The following APOOL variants were observed in gnomAD, a reference collection of about 807,000 sequenced individuals.
APOOL encodes the protein MICOS complex subunit MIC27.
APOOL carries 12 observed loss-of-function variants against 23.1 expected under a neutral mutation model. That is an observed-to-expected ratio of 0.52 (90% confidence interval 0.33 to 0.84). The LOEUF (loss-of-function observed/expected upper bound fraction) is 0.84. APOOL is among the 40% of genes least tolerant of loss of function. APOOL has a pLI of 0.02. For missense variants in APOOL, 212 were observed against 199.6 expected, an observed-to-expected ratio of 1.06 and a Z score of -0.37; for synonymous variants, 77 against 69.9, an observed-to-expected ratio of 1.10 and a Z score of -0.51.
rs946202435 is a variant in APOOL at position 85,090,343 on chromosome X, G to A, written c.*2665G>A. ...GGAAATCATGTTTCTTTTCCCCTGTGGTGAGGAAGGCAAGGGGTAAGGGGT... is the reference window on the plus strand; with the variant it reads ...GGAAATCATGTTTCTTTTCCCCTGTAGTGAGGAAGGCAAGGGGTAAGGGGT... On this transcript the variant is annotated 3_prime_UTR_variant, in exon 9 of 9. Coordinates refer to ENST00000373173, the MANE Select transcript of APOOL (RefSeq NM_198450.6). 2 of 111,598 alleles carry A rather than the reference G, an allele frequency of 1.8e-5. No individual in the cohort carries two copies. The highest frequency in any genetic ancestry group is 6.5e-5 in the African/African-American group (2 of 30,688). 9.2% of individuals were successfully genotyped at this position (111,598 alleles called of 1,213,427 possible).
intron 1 of APOOL, among the ~76,000 whole-genome samples, chrX:85,042,146 TAC>T (rs1922419106): frequency 9.0e-6 from 1 of 111,399 alleles, no homozygotes; most frequent in Non-Finnish European, 1.9e-5. Flanking sequence ...AAGAAAATAA[TAC>T]AAAAGATCAA....
intron 2 of APOOL, among the ~76,000 whole-genome samples, chrX:85,048,431 G>A (rs976238435): frequency 2.7e-5 from 3 of 111,540 alleles, no homozygotes; most frequent in African/African-American, 9.8e-5. Flanking sequence ...AAATAAAGTA[G>A]TGCTGCTTAT....
At position 85,041,111 on chromosome X, in the gene APOOL, G is replaced by C. The variant is rs150706103; in HGVS notation, c.16-5335G>C. 5.9e-3 allele frequency among the ~76,000 whole-genome samples: 660 copies of C among 112,166 alleles called. 4 individuals are homozygous for C. The highest frequency in any genetic ancestry group is 0.02 in the African/African-American group (625 of 30,841). ...GTGTGTCTCTTGATTACTTCTGGGAGCTCCATCTCAGGGAAATGCAGAGCT... is the reference window on the plus strand; with the variant it reads ...GTGTGTCTCTTGATTACTTCTGGGACCTCCATCTCAGGGAAATGCAGAGCT... On this transcript the variant is annotated intron_variant, in intron 1 of 8. Transcript: ENST00000373173.
intron 1 of APOOL, among the ~76,000 whole-genome samples, chrX:85,023,233 A>T (rs1350193700): frequency 8.9e-6 from 1 of 112,205 alleles, no homozygotes; most frequent in Non-Finnish European, 1.9e-5. Flanking sequence ...AGTAAAGTTG[A>T]AGAATACAAA....
chrX:85,053,014 A>AT (rs998152980), intron 3 of APOOL, among the ~76,000 whole-genome samples: 5 of 111,316 alleles, frequency 4.5e-5, no homozygotes, highest in African/African-American at 6.5e-5. Flanking sequence ...AATGTAAACA[A>AT]TTTTTTTTCC....
At chrX:85,004,171 G>A (rs1005695003) in intron 1 of APOOL, among the ~76,000 whole-genome samples, 1 of 111,811 alleles carries the variant, frequency 8.9e-6, no homozygotes, top group Admixed American at 9.5e-5. Flanking sequence ...CAGTGGCACA[G>A]TACAAAACTG....
chrX:85,011,551 A>G (rs1309166854), intron 1 of APOOL, among the ~76,000 whole-genome samples: 1 of 111,633 alleles, frequency 9.0e-6, no homozygotes, highest in Non-Finnish European at 1.9e-5. Flanking sequence ...TAATTCTTCT[A>G]CATGTGGCTT....
intron 2 of APOOL, among the ~76,000 whole-genome samples, chrX:85,049,032 T>C (rs1024398934): frequency 1.1e-4 from 12 of 111,353 alleles, no homozygotes; most frequent in African/African-American, 3.9e-4. Flanking sequence ...CTCTATGAGA[T>C]GAATTATACT....
intron 1 of APOOL, among the ~76,000 whole-genome samples, chrX:85,038,524 G>GTTTTTTTTTTT (rs56248244): frequency 9.2e-5 from 4 of 43,445 alleles, no homozygotes; most frequent in African/African-American, 4.3e-4. Flanking sequence ...TCTGGTACAA[G>GTTTTTTTTTTT]TTTTTTTTTT....
chrX:85,038,524 G>GTTTTTTTTTTTTTTTTTTTTTTTTTT (rs56248244), intron 1 of APOOL, among the ~76,000 whole-genome samples: 1 of 43,445 alleles, frequency 2.3e-5, no homozygotes, highest in African/African-American at 1.1e-4. Flanking sequence ...TCTGGTACAA[G>GTTTTTTTTTTTTTTTTTTTTTTTTTT]TTTTTTTTTT....
At chrX:85,057,922 G>A (rs971729418) in intron 5 of APOOL, among the ~76,000 whole-genome samples, 20 of 110,843 alleles carry the variant, frequency 1.8e-4, no homozygotes, top group African/African-American at 6.5e-4. Flanking sequence ...ATTCTTGTAA[G>A]AGAAAATGTT....
At chrX:85,053,628 C>CT (rs1385332636) in intron 3 of APOOL, among the ~76,000 whole-genome samples, 1 of 110,763 alleles carries the variant, frequency 9.0e-6, no homozygotes, top group Non-Finnish European at 1.9e-5. Context: ...TTGTGACTTC[C>CT]TTTTTTTTCT....
chrX:85,060,612 T>C (rs1476985652), intron 5 of APOOL, among the ~76,000 whole-genome samples: 1 of 111,381 alleles, frequency 9.0e-6, no homozygotes, highest in East Asian at 2.8e-4. Context: ...GTAAGTTGGA[T>C]TCCTAGGTAT....
intron 2 of APOOL, among the ~76,000 whole-genome samples, chrX:85,047,787 G>A (rs889310387): frequency 9.0e-6 from 1 of 111,292 alleles, no homozygotes; most frequent in Non-Finnish European, 1.9e-5. Context: ...CCCGCTTTAA[G>A]TCAACCTTAA....
intron 5 of APOOL, among the ~76,000 whole-genome samples, chrX:85,059,043 A>G (rs1370305839): frequency 1.5e-5 from 1 of 66,324 alleles, no homozygotes; most frequent in Non-Finnish European, 2.7e-5. Flanking sequence ...CCACCCCACA[A>G]CAGTCCCCAG....
intron 1 of APOOL, among the ~76,000 whole-genome samples, chrX:85,016,863 G>A (rs1192791183): frequency 8.9e-6 from 1 of 112,475 alleles, no homozygotes; most frequent in African/African-American, 3.2e-5. Flanking sequence ...ATCACCTGAC[G>A]TGGTGCTCTC....
intron 1 of APOOL, among the ~76,000 whole-genome samples, chrX:85,014,625 T>G (rs924527190): frequency 1.2e-4 from 13 of 110,179 alleles, no homozygotes. Flanking sequence ...ATTATTTTAT[T>G]TAAGGAGGTT....
In APOOL at chrX:85,051,374, A is replaced by AT. The variant is rs200461363; in HGVS notation, c.121-9dup. 12,495 of 1,206,281 alleles carry AT rather than the reference A, an allele frequency of 0.01. 517 individuals carry two copies. The African/African-American group carries it at 0.15, about 14-fold the overall frequency. Reference sequence around the variant, plus strand: ...GCTATTTTATGTTTTTGACATGAACATTTTTTGCCTGTAGCTCCCCATATA... The same window carrying AT: ...GCTATTTTATGTTTTTGACATGAACATTTTTTTGCCTGTAGCTCCCCATATA... On this transcript the variant is annotated splice_polypyrimidine_tract_variant and intron_variant, in intron 2 of 8. Transcript: ENST00000373173.
At chrX:85,069,375 A>T (rs1278403181) in intron 6 of APOOL, among the ~76,000 whole-genome samples, 1 of 110,622 alleles carries the variant, frequency 9.0e-6, no homozygotes, top group East Asian at 2.8e-4. Context: ...ATGTATACCC[A>T]CAATTTTACT....
Sources: gnomAD v4.1 joint callset for allele counts (sites outside exome capture counted in the v4.1 genomes callset) on GRCh38, gnomAD v4.1.1 for gene constraint, MANE v1.5 for transcripts, NCBI Gene and HGNC (gene_info 2026-07-23, HGNC 2026-07-21) for gene names.